The following PCNX1 variants were observed in gnomAD, a reference collection of about 807,000 sequenced individuals.
PCNX1 encodes the protein pecanex-like protein 1.
PCNX1 carries 78 observed loss-of-function variants against 242.2 expected under a neutral mutation model. The observed-to-expected ratio is 0.32, with a 90% CI of 0.27 to 0.39. The LOEUF is 0.39. PCNX1 is among the 10% of genes least tolerant of loss of function. The probability of loss-of-function intolerance (pLI) is 1.00; values close to 1 mark genes in which losing one functional copy is unlikely to be tolerated. For missense variants in PCNX1, 2,581 were observed against 2,856.5 expected (o/e 0.90, Z 2.20); for synonymous variants, 1,024 against 1,032.9 (o/e 0.99, Z 0.17).
At chr14:70,923,013 A>G (rs569735629) in intron 1 of PCNX1, among the ~76,000 whole-genome samples, 15 of 152,252 alleles carry the variant, frequency 9.9e-5, no homozygotes, top group Admixed American at 2.6e-4. Flanking sequence ...ATCTTTCTCA[A>G]TGTGATAGTG....
chr14:70,977,234 T>C lies in PCNX1; in HGVS notation c.897T>C (p.Asn299=), dbSNP rs201831092. 2 of 1,614,242 alleles carry C rather than the reference T, an allele frequency of 1.2e-6. No individual in the cohort carries two copies. Among genetic ancestry groups the C allele is most frequent in the East Asian group, 4.5e-5 (2 of 44,886 alleles). ...TGGCTTTTCCAGACACTTCACTGAA[T>C]GATTTTCCCCTTTATCAGCAAAGAC... The part of the protein sequence containing the change: ...SAVAFPDTSL[N]DFPLYQQRRG... Residue 299 remains asparagine (N), a synonymous_variant, in exon 6 of 36, where the codon AAT becomes AAC. Coordinates refer to ENST00000304743, the MANE Select transcript of PCNX1 (RefSeq NM_014982.3).
chr14:70,983,453 C>T (rs550084924), intron 6 of PCNX1, among the ~76,000 whole-genome samples: 29 of 152,152 alleles, frequency 1.9e-4, no homozygotes, highest in Admixed American at 1.3e-4. Context: ...TGCAGGTGCC[C>T]GCCACGACAC....
At chr14:70,929,992 A>G (rs2056730595) in intron 1 of PCNX1, among the ~76,000 whole-genome samples, 1 of 152,184 alleles carries the variant, frequency 6.6e-6, no homozygotes, top group Non-Finnish European at 1.5e-5. Context: ...TAATGTACAT[A>G]AGATTATTTT....
chr14:71,084,294 C>T (rs967377725), intron 28 of PCNX1, among the ~76,000 whole-genome samples: 13 of 152,168 alleles, frequency 8.5e-5, no homozygotes, highest in East Asian at 1.9e-4. Flanking sequence ...GACCCCTGCC[C>T]GGGAGGCGTC....
intron 1 of PCNX1, among the ~76,000 whole-genome samples, chr14:70,934,737 GA>G (rs1196237904): frequency 6.6e-6 from 1 of 152,222 alleles, no homozygotes; most frequent in African/African-American, 2.4e-5. Flanking sequence ...CAGATTTATA[GA>G]AACACAAAGT....
At chr14:71,052,100 C>T in intron 24 of PCNX1, 88 bp downstream of exon 24, 1 of 943,594 alleles carries the variant, frequency 1.1e-6, no homozygotes, top group Non-Finnish European at 1.5e-6. Flanking sequence ...ATTTATGGTT[C>T]ATAATTTATT....
chr14:71,018,221 T>G (rs963317047), intron 11 of PCNX1, among the ~76,000 whole-genome samples: 4 of 152,132 alleles, frequency 2.6e-5, no homozygotes, highest in Non-Finnish European at 5.9e-5. Context: ...AAATATGATT[T>G]AGAAGTATTT....
At chr14:70,955,547 G>A (rs540231713) in intron 2 of PCNX1, among the ~76,000 whole-genome samples, 1 of 152,232 alleles carries the variant, frequency 6.6e-6, no homozygotes, top group African/African-American at 2.4e-5. Context: ...CTGCTTTTCT[G>A]CCTTTCCCTG....
At chr14:71,007,801 TC>T (rs1246443064) in intron 8 of PCNX1, among the ~76,000 whole-genome samples, 3 of 152,150 alleles carry the variant, frequency 2.0e-5, no homozygotes. Flanking sequence ...TATTTTTTTT[TC>T]GGTAGCAACT....
intron 25 of PCNX1, among the ~76,000 whole-genome samples, chr14:71,056,901 T>G (rs534880389): frequency 2.6e-5 from 4 of 152,174 alleles, no homozygotes; most frequent in South Asian, 4.1e-4. Flanking sequence ...GTTAGTCTCC[T>G]GGCCTGAAGT....
At chr14:70,916,358 G>A (rs2056152347) in intron 1 of PCNX1, among the ~76,000 whole-genome samples, 3 of 152,130 alleles carry the variant, frequency 2.0e-5, no homozygotes. Context: ...AGAATTCCAA[G>A]GCCTAAACAG....
intron 30 of PCNX1, among the ~76,000 whole-genome samples, chr14:71,094,346 C>G (rs117931042): frequency 6.6e-6 from 1 of 152,258 alleles, no homozygotes; most frequent in Non-Finnish European, 1.5e-5. Flanking sequence ...TGCTCTATAT[C>G]TAGATTGCAG....
chr14:71,083,083 A>G (rs56162958), intron 28 of PCNX1, among the ~76,000 whole-genome samples: 1,792 of 152,212 alleles, frequency 0.012, 45 homozygotes, highest in African/African-American at 0.041. Flanking sequence ...CTTGTCTGTA[A>G]AGGATTTTAT....
chr14:71,049,133 A>T (rs770190561), intron 22 of PCNX1: 85 of 863,456 alleles, frequency 9.8e-5, no homozygotes, highest in Non-Finnish European at 1.2e-4. Flanking sequence ...TGAAAGTTGC[A>T]GTAAAATATA....
chr14:71,083,045 G>A (rs938137205), intron 28 of PCNX1, among the ~76,000 whole-genome samples: 2 of 152,088 alleles, frequency 1.3e-5, no homozygotes, highest in Non-Finnish European at 2.9e-5. Flanking sequence ...AGGGAGGCAT[G>A]GTGGTGACAA....
intron 15 of PCNX1, among the ~76,000 whole-genome samples, 163 bp from the exon 16 acceptor site, chr14:71,028,537 T>A (rs2060297927): frequency 1.3e-5 from 2 of 152,054 alleles, no homozygotes; most frequent in Admixed American, 1.3e-4. Context: ...CATGTCAAAA[T>A]CTTTTTGAAA....
chr14:70,916,221 A>G (rs952329072), intron 1 of PCNX1, among the ~76,000 whole-genome samples: 5 of 152,228 alleles, frequency 3.3e-5, no homozygotes, highest in African/African-American at 9.6e-5. Flanking sequence ...ATTGGAGAAC[A>G]TGAATTCAGA....
chr14:71,059,968 T>C (rs886417824), intron 26 of PCNX1, among the ~76,000 whole-genome samples: 3 of 152,196 alleles, frequency 2.0e-5, no homozygotes, highest in African/African-American at 7.2e-5. Context: ...CCATCTCTCT[T>C]TCTCCCCTAA....
At chr14:70,963,208 A>G (rs2526891) in intron 3 of PCNX1, among the ~76,000 whole-genome samples, 13,636 of 152,174 alleles carry the variant, frequency 0.09, 722 homozygotes, top group Admixed American at 0.17. Flanking sequence ...TTTCTGGTCT[A>G]ACTCTTCTTG....
Sources: gnomAD v4.1 joint callset for allele counts (sites outside exome capture counted in the v4.1 genomes callset) on GRCh38, gnomAD v4.1.1 for gene constraint, MANE v1.5 for transcripts, NCBI Gene and HGNC (gene_info 2026-07-23, HGNC 2026-07-21) for gene names.